The following STXBP5 variants were observed in gnomAD, a reference collection of about 807,000 sequenced individuals.
The protein encoded by STXBP5 is syntaxin binding protein 5.
Under a neutral mutation model 152.4 loss-of-function variants are expected in STXBP5, and 50 were observed. That is an observed-to-expected ratio of 0.33 (90% CI 0.26 to 0.42). The LOEUF (loss-of-function observed/expected upper bound fraction) is 0.42, where lower values mean the gene tolerates loss of function less well. Among genes scored for constraint, STXBP5 ranks in the 10% least tolerant of loss-of-function variants. The probability of loss-of-function intolerance (pLI) is 1.00; values close to 1 mark genes in which losing one functional copy is unlikely to be tolerated. For synonymous variants in STXBP5, 492 were observed against 494.7 expected, an observed-to-expected ratio of 0.99 and a Z score of 0.07; for missense variants, 1,167 against 1,388.6, an observed-to-expected ratio of 0.84 and a Z score of 2.54.
At chr6:147,326,420 T>G (rs777093968) in intron 17 of STXBP5, among the ~76,000 whole-genome samples, 29 of 152,172 alleles carry the variant, frequency 1.9e-4, no homozygotes, top group Non-Finnish European at 3.7e-4. Context: ...AATCTGATTA[T>G]GTGGCCGTGT....
intron 4 of STXBP5, among the ~76,000 whole-genome samples, chr6:147,253,381 T>G (rs1028441452): frequency 1.3e-5 from 2 of 152,156 alleles, no homozygotes; most frequent in African/African-American, 4.8e-5. Context: ...AAGCATTCCC[T>G]TTGAAAACCG....
chr6:147,257,940 C>T lies in STXBP5; in HGVS notation c.432-2675C>T, dbSNP rs1256524642. 3.3e-5 allele frequency among the ~76,000 whole-genome samples: 5 copies of T among 152,220 alleles called. No homozygotes were observed. In the South Asian group the frequency reaches 6.2e-4, roughly 19 times the overall value. ...ACACAACTGTAGTTATCTGGCTGCA[C>T]GACTAGGTTGGATGATCTAGCTTGC... On this transcript the variant is annotated intron_variant, in intron 4 of 27. Transcript: ENST00000321680.
At chr6:147,270,787 A>C (rs1182625165) in intron 7 of STXBP5, among the ~76,000 whole-genome samples, 1 of 152,216 alleles carries the variant, frequency 6.6e-6, no homozygotes, top group African/African-American at 2.4e-5. Context: ...TATAATAAAA[A>C]TGTAGGATTT....
chr6:147,231,715 T>C (rs117207821), intron 2 of STXBP5, among the ~76,000 whole-genome samples: 4,818 of 152,026 alleles, frequency 0.032, 119 homozygotes, highest in Middle Eastern at 0.051. Flanking sequence ...TTTTGGTTTT[T>C]CTTCATTTTA....
chr6:147,226,696 T>TA (rs1412532709), intron 2 of STXBP5, among the ~76,000 whole-genome samples: 2 of 152,206 alleles, frequency 1.3e-5, no homozygotes, highest in African/African-American at 4.8e-5. Flanking sequence ...TTTTTCCAAG[T>TA]AATATTGTTA....
chr6:147,363,294 A>T (rs1785146831), intron 23 of STXBP5, 41 bp from the exon 24 acceptor site: 1 of 1,519,786 alleles, frequency 6.6e-7, no homozygotes, highest in Non-Finnish European at 8.8e-7. Flanking sequence ...TACTCTGTTG[A>T]TTAAAATATT....
At chr6:147,224,727 A>G (rs1777625738) in intron 2 of STXBP5, among the ~76,000 whole-genome samples, 1 of 152,176 alleles carries the variant, frequency 6.6e-6, no homozygotes, top group South Asian at 2.1e-4. Flanking sequence ...AACAGTGTGG[A>G]TGAAGAAATC....
At chr6:147,374,582 TTTATAACG>T (rs1256149346) in intron 26 of STXBP5, among the ~76,000 whole-genome samples, 131 of 152,234 alleles carry the variant, frequency 8.6e-4, no homozygotes, top group African/African-American at 3.0e-3. Context: ...CTGAGGAAAA[TTTATAACG>T]TTATATAAAA....
At chr6:147,311,769 A>C (rs189583405) in intron 11 of STXBP5, among the ~76,000 whole-genome samples, 2 of 152,188 alleles carry the variant, frequency 1.3e-5, no homozygotes, top group East Asian at 3.9e-4. Context: ...ACATGATTCA[A>C]CCTGACACTT....
At chr6:147,354,133 T>C (rs1269416114) in intron 22 of STXBP5, among the ~76,000 whole-genome samples, 2 of 152,196 alleles carry the variant, frequency 1.3e-5, no homozygotes, top group Non-Finnish European at 2.9e-5. Flanking sequence ...CTAGGTTTTC[T>C]CCCTTGCATT....
In STXBP5 at chr6:147,363,418, C is replaced by A. The variant is rs763743327; in HGVS notation, c.2629C>A (p.Pro877Thr). 5.6e-6 allele frequency: 9 copies of A among 1,613,972 alleles called. No homozygotes were observed. The highest frequency in any genetic ancestry group is 6.8e-6 in the Non-Finnish European group (8 of 1,180,032). The change falls in exon 24 of 28, where the codon CCC (proline) becomes ACC (threonine). Residue 877 changes from proline to threonine, a missense_variant. Pro to Thr is a conservative substitution (Grantham distance 38, BLOSUM62 -1). Transcript: ENST00000321680. ...CTGCTTAATACCACCTGCGTATGAA[C>A]CCTGGAGAGAGCACAATGTTCCTGA... The part of the protein sequence containing the change: ...TGCLIPPAYE[P>T]WREHNVPEEK...
At chr6:147,229,979 T>C (rs1777913667) in intron 2 of STXBP5, among the ~76,000 whole-genome samples, 1 of 151,988 alleles carries the variant, frequency 6.6e-6, no homozygotes, top group East Asian at 1.9e-4. Flanking sequence ...GGGAAGGATG[T>C]TAGCTGTGAG....
chr6:147,363,182 C>T (rs9403852), intron 23 of STXBP5, among the ~76,000 whole-genome samples, 153 bp from the exon 24 acceptor site: 100,533 of 152,122 alleles, frequency 0.66, 34,072 homozygotes, highest in African/African-American at 0.83. Context: ...ATAAATACCA[C>T]GCTTAAAGTC....
At chr6:147,210,814 T>A (rs1275131191) in intron 2 of STXBP5, among the ~76,000 whole-genome samples, 1 of 152,188 alleles carries the variant, frequency 6.6e-6, no homozygotes, top group Non-Finnish European at 1.5e-5. Context: ...GATACATGAT[T>A]ATTACATTAT....
intron 7 of STXBP5, among the ~76,000 whole-genome samples, chr6:147,270,706 G>A (rs1780122930): frequency 6.6e-6 from 1 of 152,024 alleles, no homozygotes; most frequent in South Asian, 2.1e-4. Flanking sequence ...TCCAGACATG[G>A]CAAATATGTG....
At chr6:147,365,048 A>G (rs987441924) in intron 25 of STXBP5, among the ~76,000 whole-genome samples, 4 of 152,286 alleles carry the variant, frequency 2.6e-5, no homozygotes, top group African/African-American at 4.8e-5. Flanking sequence ...AGGATATGAT[A>G]TGGATTAAAG....
At chr6:147,248,850 G>A (rs1345744459) in intron 4 of STXBP5, among the ~76,000 whole-genome samples, 2 of 152,186 alleles carry the variant, frequency 1.3e-5, no homozygotes, top group African/African-American at 4.8e-5. Flanking sequence ...ACAAGCAGGT[G>A]AGCACTTAAG....
intron 27 of STXBP5, 112 bp downstream of exon 27, chr6:147,383,110 A>G: frequency 8.0e-7 from 1 of 1,247,218 alleles, no homozygotes; most frequent in South Asian, 1.5e-5. Context: ...GCATATATTC[A>G]TTGTACAATT....
intron 21 of STXBP5, among the ~76,000 whole-genome samples, chr6:147,346,056 A>G (rs1406705132): frequency 2.0e-5 from 3 of 152,184 alleles, no homozygotes; most frequent in Admixed American, 1.3e-4. Flanking sequence ...AAGAATACAC[A>G]GTGGAAGAAG....
Sources: gnomAD v4.1 joint callset for allele counts (sites outside exome capture counted in the v4.1 genomes callset) on GRCh38, gnomAD v4.1.1 for gene constraint, MANE v1.5 for transcripts, NCBI Gene and HGNC (gene_info 2026-07-23, HGNC 2026-07-21) for gene names.